PLXDC2: variants seen among roughly 807,000 people sequenced by gnomAD.
PLXDC2 encodes plexin domain-containing protein 2.
In PLXDC2, 40 loss-of-function variants were observed where a neutral mutation model predicts 68.9. The ratio of observed to expected loss-of-function variants is 0.58; its 90% CI spans 0.45 to 0.76. PLXDC2 has a LOEUF of 0.76. Ranked by LOEUF, PLXDC2 falls within the 30% of genes least tolerant of loss-of-function variation. PLXDC2 has a pLI of 0.00. For synonymous variants in PLXDC2, 243 were observed against 234.2 expected, an observed-to-expected ratio of 1.04 and a Z score of -0.34; for missense variants, 644 against 661.9, an observed-to-expected ratio of 0.97 and a Z score of 0.30.
At chr10:20,131,664 T>G (rs1298119568) in intron 4 of PLXDC2, among the ~76,000 whole-genome samples, 1 of 152,216 alleles carries the variant, frequency 6.6e-6, no homozygotes, top group Non-Finnish European at 1.5e-5. Context: ...CCTCCCAAAG[T>G]GCTGGGATTA....
intron 12 of PLXDC2, among the ~76,000 whole-genome samples, chr10:20,232,130 A>G (rs1748846125): frequency 6.6e-6 from 1 of 152,228 alleles, no homozygotes; most frequent in Non-Finnish European, 1.5e-5. Context: ...TCCAGAAAAT[A>G]TAAATAACTC....
intron 1 of PLXDC2, among the ~76,000 whole-genome samples, chr10:19,978,732 A>C (rs1029779960): frequency 1.3e-5 from 2 of 152,200 alleles, no homozygotes; most frequent in Non-Finnish European, 2.9e-5. Flanking sequence ...AATCATTCAT[A>C]ATTCCACGTA....
intron 9 of PLXDC2, among the ~76,000 whole-genome samples, chr10:20,183,678 C>G (rs1441261534): frequency 6.6e-6 from 1 of 151,962 alleles, no homozygotes; most frequent in Non-Finnish European, 1.5e-5. Flanking sequence ...AACACAGTGT[C>G]TGGACAAATG....
chr10:20,233,369 T>TAAA (rs113521840), intron 12 of PLXDC2, among the ~76,000 whole-genome samples: 142 of 149,374 alleles, frequency 9.5e-4, no homozygotes, highest in Middle Eastern at 3.4e-3. Context: ...CTACAAAAAT[T>TAAA]TAAAAAAAGT....
At chr10:19,953,448 T>C (rs1055137038) in intron 1 of PLXDC2, among the ~76,000 whole-genome samples, 4 of 152,232 alleles carry the variant, frequency 2.6e-5, no homozygotes, top group African/African-American at 9.6e-5. Flanking sequence ...GTAAAAAGTG[T>C]GCCCAGAAAT....
chr10:20,081,651 A>G (rs556490153), intron 4 of PLXDC2, among the ~76,000 whole-genome samples: 10 of 152,308 alleles, frequency 6.6e-5, no homozygotes, highest in African/African-American at 2.2e-4. Context: ...TTATTTGCCA[A>G]CAAACAAACA....
At chr10:20,048,976 G>A (rs76969749) in intron 3 of PLXDC2, among the ~76,000 whole-genome samples, 2,697 of 152,194 alleles carry the variant, frequency 0.018, 74 homozygotes, top group African/African-American at 0.061. Flanking sequence ...TGAACTTCTG[G>A]TTGTAACTTA....
intron 9 of PLXDC2, among the ~76,000 whole-genome samples, chr10:20,199,363 G>A (rs1190509655): frequency 6.6e-6 from 1 of 151,910 alleles, no homozygotes; most frequent in Admixed American, 6.6e-5. Context: ...AGGCAAGGAT[G>A]TGATCACCAT....
Position 19,864,120 on chromosome 10 carries a change from C to T in PLXDC2, c.112+46929C>T, listed in dbSNP as rs545733729. Among the ~76,000 whole-genome samples the T allele has an allele frequency of 2.0e-5, 3 of 152,234 alleles. No homozygotes were observed. In the East Asian group the frequency reaches 5.8e-4, roughly 29 times the overall value. On this transcript the variant is annotated intron_variant, in intron 1 of 13. Coordinates refer to ENST00000377252, the MANE Select transcript of PLXDC2 (RefSeq NM_032812.9). ...ACCTCAAATGTTTCTCCCACCTCTG[C>T]CTCCTGAGTAGCTGGCACTACAGGC...
chr10:20,035,963 T>C (rs1279474334), intron 2 of PLXDC2, among the ~76,000 whole-genome samples: 1 of 152,134 alleles, frequency 6.6e-6, no homozygotes, highest in African/African-American at 2.4e-5. Context: ...TGGTAAGAAA[T>C]AGATCAAGAC....
intron 1 of PLXDC2, among the ~76,000 whole-genome samples, chr10:19,987,815 G>T (rs1440936929): frequency 6.6e-6 from 1 of 151,984 alleles, no homozygotes; most frequent in African/African-American, 2.4e-5. Flanking sequence ...TGATCCTCCC[G>T]CCTTGACCTC....
rs1487558241 is a variant in PLXDC2 at position 20,046,977 on chromosome 10, A to T, written c.433A>T (p.Ile145Phe). ...CCAAATGGAAAAAGATAAAGTGAAG[A>T]TTCATGGAATATTGTCCAATACTCA... ...IDQMEKDKVKIHGILSNTHRQ... is the reference protein window; with the variant it reads ...IDQMEKDKVKFHGILSNTHRQ... The change falls in exon 3 of 14, where the codon ATT (isoleucine) becomes TTT (phenylalanine). Residue 145 changes from isoleucine to phenylalanine, a missense_variant. Physicochemically the swap from Ile to Phe is conservative, Grantham distance 21. Transcript: ENST00000377252. The T allele has an allele frequency of 6.2e-7, 1 of 1,612,310 alleles. No homozygotes were observed. The highest frequency in any genetic ancestry group is 8.5e-7 in the Non-Finnish European group (1 of 1,179,126).
intron 13 of PLXDC2, among the ~76,000 whole-genome samples, chr10:20,276,004 C>G (rs2119392674): frequency 1.3e-5 from 2 of 152,156 alleles, no homozygotes; most frequent in Admixed American, 1.3e-4. Context: ...GATTCGGAAA[C>G]TGAGTAACAA....
intron 4 of PLXDC2, among the ~76,000 whole-genome samples, chr10:20,131,336 A>T (rs1833864948): frequency 6.6e-6 from 1 of 152,026 alleles, no homozygotes; most frequent in South Asian, 2.1e-4. Context: ...TATAATTTTT[A>T]TAGTAGTTTC....
intron 5 of PLXDC2, 150 bp from the exon 6 acceptor site, chr10:20,147,634 A>G (rs1232933360): frequency 1.8e-5 from 10 of 551,780 alleles, no homozygotes; most frequent in Non-Finnish European, 2.6e-5. Context: ...TGCTATTTCA[A>G]TAACAGAATT....
intron 2 of PLXDC2, among the ~76,000 whole-genome samples, chr10:20,031,071 G>C (rs1388996333): frequency 6.6e-6 from 1 of 152,122 alleles, no homozygotes; most frequent in South Asian, 2.1e-4. Context: ...AGCTGACACT[G>C]TGTGGAATAG....
intron 1 of PLXDC2, among the ~76,000 whole-genome samples, chr10:19,843,393 A>G (rs1215257186): frequency 6.6e-6 from 1 of 152,090 alleles, no homozygotes; most frequent in East Asian, 1.9e-4. Flanking sequence ...CAAAGAGTCT[A>G]CCCCTGTTAT....
At chr10:20,079,167 C>G (rs1255229061) in intron 4 of PLXDC2, among the ~76,000 whole-genome samples, 1 of 151,972 alleles carries the variant, frequency 6.6e-6, no homozygotes, top group East Asian at 1.9e-4. Context: ...AAGAATAAAT[C>G]AAACAACTCC....
At chr10:19,920,306 G>A (rs1183119305) in intron 1 of PLXDC2, among the ~76,000 whole-genome samples, 2 of 152,196 alleles carry the variant, frequency 1.3e-5, no homozygotes, top group East Asian at 3.9e-4. Flanking sequence ...CCTAGGTGAG[G>A]ACAGGCATTT....
Sources: allele counts gnomAD v4.1 joint callset (sites outside exome capture counted in the v4.1 genomes callset), GRCh38; gene constraint gnomAD v4.1.1; transcripts MANE v1.5; gene names NCBI Gene and HGNC (gene_info 2026-07-23, HGNC 2026-07-21).